The following GLIS3 variants were observed in gnomAD, a reference collection of about 807,000 sequenced individuals.
The protein encoded by GLIS3 is zinc finger protein GLIS3.
GLIS3 carries 53 observed loss-of-function variants against 78.6 expected under a neutral mutation model. That is an observed-to-expected ratio of 0.67 (90% CI 0.54 to 0.85). The LOEUF is 0.85. Among genes scored for constraint, GLIS3 ranks in the 40% least tolerant of loss-of-function variants. GLIS3 has a pLI of 0.00. For synonymous variants in GLIS3, 684 were observed against 509.9 expected (o/e 1.34, Z -4.60); for missense variants, 1,703 against 1,231.1 (o/e 1.38, Z -5.74).
intron 8 of GLIS3, among the ~76,000 whole-genome samples, chr9:3,870,767 T>A (rs1820922690): frequency 6.6e-6 from 1 of 152,236 alleles, no homozygotes; most frequent in African/African-American, 2.4e-5. Context: ...AAGATGAGAT[T>A]TGGGTGAGGA....
intron 2 of GLIS3, among the ~76,000 whole-genome samples, chr9:4,186,319 G>C (rs903794050): frequency 6.6e-6 from 1 of 151,902 alleles, no homozygotes; most frequent in African/African-American, 2.4e-5. Context: ...CCCTACAAAG[G>C]ACATGAACTC....
intron 9 of GLIS3, among the ~76,000 whole-genome samples, chr9:3,853,441 C>A (rs1249249201): frequency 6.6e-6 from 1 of 151,058 alleles, no homozygotes; most frequent in Non-Finnish European, 1.5e-5. Context: ...CTACTTTGCA[C>A]CAAGTATTAT....
intron 4 of GLIS3, among the ~76,000 whole-genome samples, chr9:4,031,923 G>A (rs1025185827): frequency 6.6e-5 from 10 of 152,170 alleles, no homozygotes; most frequent in African/African-American, 1.9e-4. Context: ...AGGGCAGGGA[G>A]CCTAGACTCT....
chr9:4,481,927 T>C, the GLIS3 span, among the ~76,000 whole-genome samples: 1 of 152,260 alleles, frequency 6.6e-6, no homozygotes, highest in Non-Finnish European at 1.5e-5. Context: ...TTTATAATGT[T>C]AAAAGTATAA....
chr9:4,405,453 T>G, the GLIS3 span, among the ~76,000 whole-genome samples: 1 of 151,874 alleles, frequency 6.6e-6, no homozygotes, highest in African/African-American at 2.4e-5. Flanking sequence ...AGCAGCTATA[T>G]GCCAATAAAT....
intron 9 of GLIS3, among the ~76,000 whole-genome samples, chr9:3,838,729 A>G (rs894070254): frequency 1.0e-4 from 6 of 57,630 alleles, no homozygotes; most frequent in African/African-American, 3.9e-4. Context: ...TGAAAATACA[A>G]ATTTTGATGG....
the GLIS3 span, among the ~76,000 whole-genome samples, chr9:4,457,745 G>A: frequency 6.6e-6 from 1 of 151,636 alleles, no homozygotes; most frequent in Non-Finnish European, 1.5e-5. Flanking sequence ...AGCTATTCGG[G>A]AGGCTGAGGC....
rs754260020 is a variant in GLIS3, at chr9:4,286,017, GTTCCAGA to G, written c.388+14_388+20del. The G allele has an allele frequency of 8.7e-6, 14 of 1,613,978 alleles. No homozygotes were observed. The African/African-American group carries it at 1.7e-4, about 20-fold the overall frequency. ...AAAAAATCGTTTCCATTTTTAAAAG[GTTCCAGA>G]AAGACAATCCTACCTTTCCCAGGAT... On this transcript the variant is annotated intron_variant, in intron 2 of 10. Coordinates refer to ENST00000381971, the MANE Select transcript of GLIS3 (RefSeq NM_001042413.2).
intron 4 of GLIS3, among the ~76,000 whole-genome samples, chr9:4,048,136 A>T (rs189671460): frequency 1.3e-4 from 20 of 152,296 alleles, no homozygotes; most frequent in Admixed American, 6.5e-4. Context: ...GTTCACACTG[A>T]ATTTATCCGA....
chr9:4,070,810 T>A (rs926448404), intron 4 of GLIS3: 3 of 152,188 alleles, frequency 2.0e-5, no homozygotes, highest in Admixed American at 1.3e-4. Flanking sequence ...CTCCAATTAT[T>A]TACAAGAATG....
chr9:4,281,970 T>C (rs1374795657), intron 2 of GLIS3, among the ~76,000 whole-genome samples: 1 of 152,180 alleles, frequency 6.6e-6, no homozygotes, highest in Non-Finnish European at 1.5e-5. Context: ...CAATCTATGA[T>C]ATTAAAGCCA....
chr9:4,458,690 C>A, the GLIS3 span, among the ~76,000 whole-genome samples: 1 of 152,004 alleles, frequency 6.6e-6, no homozygotes, highest in Admixed American at 6.6e-5. Context: ...CGGGACTACT[C>A]GGGAGGCTGA....
At chr9:4,063,167 C>T (rs1359292048) in intron 4 of GLIS3, among the ~76,000 whole-genome samples, 1 of 152,076 alleles carries the variant, frequency 6.6e-6, no homozygotes, top group Non-Finnish European at 1.5e-5. Flanking sequence ...TTGATTTGCA[C>T]ATTTCACAAT....
At chr9:4,126,635 G>C (rs138282400) in intron 2 of GLIS3, among the ~76,000 whole-genome samples, 1 of 152,272 alleles carries the variant, frequency 6.6e-6, no homozygotes, top group African/African-American at 2.4e-5. Context: ...AAGAAAAAAA[G>C]GAACCCACAA....
chr9:4,235,182 C>G (rs1213177787), intron 2 of GLIS3, among the ~76,000 whole-genome samples: 2 of 151,864 alleles, frequency 1.3e-5, no homozygotes, highest in African/African-American at 4.8e-5. Flanking sequence ...GCCTGTAGTT[C>G]CAGCTACTCC....
intron 4 of GLIS3, among the ~76,000 whole-genome samples, chr9:4,033,716 A>C (rs1003240415): frequency 2.0e-5 from 3 of 152,044 alleles, no homozygotes; most frequent in Non-Finnish European, 4.4e-5. Context: ...ACAGGGACCT[A>C]TTTTGTCCAA....
intron 4 of GLIS3, among the ~76,000 whole-genome samples, chr9:4,092,064 A>T (rs1288141960): frequency 6.6e-6 from 1 of 152,154 alleles, no homozygotes; most frequent in African/African-American, 2.4e-5. Context: ...TGTAGACTTT[A>T]CAAATACTGT....
chr9:4,222,188 G>A (rs1443697967), intron 2 of GLIS3, among the ~76,000 whole-genome samples: 2 of 152,182 alleles, frequency 1.3e-5, no homozygotes, highest in African/African-American at 4.8e-5. Flanking sequence ...AGCTCTAAGT[G>A]CTGTACAGCT....
chr9:3,970,145 A>C (rs1160929836), intron 4 of GLIS3, among the ~76,000 whole-genome samples: 1 of 152,252 alleles, frequency 6.6e-6, no homozygotes, highest in African/African-American at 2.4e-5. Flanking sequence ...GGTGGTTTTC[A>C]GAGCTGGTAC....
Sources: allele counts gnomAD v4.1 joint callset (sites outside exome capture counted in the v4.1 genomes callset), GRCh38; gene constraint gnomAD v4.1.1; transcripts MANE v1.5; gene names NCBI Gene and HGNC (gene_info 2026-07-23, HGNC 2026-07-21).